The following COL23A1 variants were observed in gnomAD, a reference collection of about 807,000 sequenced individuals.
COL23A1 encodes collagen type XXIII alpha 1 chain, also known as collagen alpha-1(XXIII) chain.
COL23A1 carries 97 observed loss-of-function variants against 99.3 expected under a neutral mutation model. The ratio of observed to expected loss-of-function variants is 0.98; its 90% CI spans 0.83 to 1.16. COL23A1 has a LOEUF of 1.16. Ranked by LOEUF, COL23A1 falls within the 50% of genes most tolerant of loss-of-function variation. The pLI, the probability that COL23A1 is intolerant of heterozygous loss-of-function variation, is 0.00. For missense variants in COL23A1, 762 were observed against 757.4 expected, an observed-to-expected ratio of 1.01 and a Z score of -0.07; for synonymous variants, 320 against 308.2, an observed-to-expected ratio of 1.04 and a Z score of -0.40.
chr5:178,258,251 A>ATC (rs1765424219), intron 12 of COL23A1, among the ~76,000 whole-genome samples: 1 of 130,198 alleles, frequency 7.7e-6, no homozygotes, highest in Non-Finnish European at 1.7e-5. Flanking sequence ...ATATATATAT[A>ATC]TATATATATA....
chr5:178,419,670 G>T (rs1282110994), intron 2 of COL23A1, among the ~76,000 whole-genome samples: 1 of 152,070 alleles, frequency 6.6e-6, no homozygotes, highest in South Asian at 2.1e-4. Flanking sequence ...ACTAAATATG[G>T]CCTGAGAAGG....
At chr5:178,499,724 A>G (rs897242594) in intron 2 of COL23A1, among the ~76,000 whole-genome samples, 1 of 152,240 alleles carries the variant, frequency 6.6e-6, no homozygotes, top group Non-Finnish European at 1.5e-5. Context: ...AAATGAAAGC[A>G]TGTGTTCATA....
rs116156738 is a variant in COL23A1 at position 178,286,845 on chromosome 5, C to T, written c.441+1479G>A. Among the ~76,000 whole-genome samples the T allele has an allele frequency of 3.7e-3, 559 of 152,258 alleles. 7 individuals are homozygous for T. The highest frequency in any genetic ancestry group is 0.013 in the African/African-American group (525 of 41,554). On this transcript the variant is annotated intron_variant, in intron 5 of 28. Coordinates refer to ENST00000390654, the MANE Select transcript of COL23A1 (RefSeq NM_173465.4). ...GAGGCTGGTGGGGAACGGACCGGACCGCTGGGTCACTTTGCTCAGAGGAAA... is the reference window on the plus strand; with the variant it reads ...GAGGCTGGTGGGGAACGGACCGGACTGCTGGGTCACTTTGCTCAGAGGAAA...
chr5:178,240,358 G>A (rs373369999), intron 27 of COL23A1, among the ~76,000 whole-genome samples: 2 of 151,836 alleles, frequency 1.3e-5, no homozygotes, highest in African/African-American at 2.4e-5. Flanking sequence ...AGAATGGAAA[G>A]GAAGCAGAAG....
At chr5:178,424,479 C>T (rs1466898707) in intron 2 of COL23A1, among the ~76,000 whole-genome samples, 2 of 152,190 alleles carry the variant, frequency 1.3e-5, no homozygotes, top group Non-Finnish European at 2.9e-5. Flanking sequence ...CCCGGACAGA[C>T]AGTAAAATGT....
chr5:178,527,572 C>T (rs376699163), intron 2 of COL23A1, among the ~76,000 whole-genome samples: 1 of 152,236 alleles, frequency 6.6e-6, no homozygotes, highest in African/African-American at 2.4e-5. Context: ...GCACCACGTA[C>T]AAACTGTCCT....
At chr5:178,410,535 G>GGCATAAGGATA (rs1765006894) in intron 2 of COL23A1, among the ~76,000 whole-genome samples, 1 of 152,136 alleles carries the variant, frequency 6.6e-6, no homozygotes, top group South Asian at 2.1e-4. Context: ...ATAGACCAAT[G>GGCATAAGGATA]GATAAATTGA....
chr5:178,498,218 A>T (rs1234103857), intron 2 of COL23A1, among the ~76,000 whole-genome samples: 2 of 40,740 alleles, frequency 4.9e-5, no homozygotes, highest in Non-Finnish European at 3.8e-5. Flanking sequence ...ATATATATAT[A>T]TATATATATA....
chr5:178,302,300 G>A (rs372290851), intron 3 of COL23A1, among the ~76,000 whole-genome samples: 1,815 of 127,728 alleles, frequency 0.014, 10 homozygotes, highest in South Asian at 0.023. Flanking sequence ...GCCGGAGCAC[G>A]GCTTCAATCC....
At chr5:178,396,988 C>A (rs1764183890) in intron 2 of COL23A1, among the ~76,000 whole-genome samples, 1 of 152,190 alleles carries the variant, frequency 6.6e-6, no homozygotes. Context: ...GCCACCTGTC[C>A]CCATGTGTAG....
intron 1 of COL23A1, among the ~76,000 whole-genome samples, chr5:178,572,840 G>C (rs1168002759): frequency 7.2e-5 from 11 of 152,138 alleles, no homozygotes; most frequent in African/African-American, 2.7e-4. Flanking sequence ...AGTAATACTC[G>C]GTAATGAAAA....
chr5:178,368,467 C>T (rs190260773), intron 2 of COL23A1, among the ~76,000 whole-genome samples: 5 of 152,264 alleles, frequency 3.3e-5, no homozygotes, highest in East Asian at 1.9e-4. Flanking sequence ...CCATAGTGTA[C>T]GTTAGGGTTC....
chr5:178,355,952 C>T (rs890527061), intron 2 of COL23A1, among the ~76,000 whole-genome samples: 3 of 152,136 alleles, frequency 2.0e-5, no homozygotes, highest in African/African-American at 7.2e-5. Flanking sequence ...AAATATCTTA[C>T]CTATTAAAAT....
intron 2 of COL23A1, among the ~76,000 whole-genome samples, chr5:178,543,460 T>A (rs1410299224): frequency 6.6e-6 from 1 of 152,126 alleles, no homozygotes; most frequent in Non-Finnish European, 1.5e-5. Flanking sequence ...GATGACAGCC[T>A]GCTCAAAAGA....
intron 2 of COL23A1, among the ~76,000 whole-genome samples, chr5:178,501,166 G>C (rs1292100219): frequency 1.3e-5 from 2 of 152,184 alleles, no homozygotes; most frequent in Non-Finnish European, 2.9e-5. Context: ...GCCAACTAGG[G>C]ACCTTGGGAC....
In COL23A1 at chr5:178,278,819, G is replaced by T. The variant is rs543727740; in HGVS notation, c.442-8456C>A. 2.6e-5 allele frequency among the ~76,000 whole-genome samples: 4 copies of T among 152,326 alleles called. No homozygotes were observed. The South Asian group carries it at 8.3e-4, about 32-fold the overall frequency. On this transcript the variant is annotated intron_variant, in intron 5 of 28. Coordinates refer to ENST00000390654, the MANE Select transcript of COL23A1 (RefSeq NM_173465.4). ...CTCCTCTGCAAACTGAGTGTGTTGC[G>T]GATGGAATGGCTCCCTGGATCTGGG...
intron 2 of COL23A1, among the ~76,000 whole-genome samples, chr5:178,420,109 G>A (rs1765521823): frequency 6.6e-6 from 1 of 152,222 alleles, no homozygotes; most frequent in Middle Eastern, 3.4e-3. Flanking sequence ...CAGTCTCAGG[G>A]AAAAGCTGAA....
At position 178,468,227 on chromosome 5, in the gene COL23A1, G is replaced by A. The variant is rs1561997891; in HGVS notation, c.361+92455C>T. On this transcript the variant is annotated intron_variant, in intron 2 of 28. Coordinates refer to ENST00000390654, the MANE Select transcript of COL23A1 (RefSeq NM_173465.4). This position sits in a 1 kb window ranked among gnomAD's most constrained non-coding sequence, Gnocchi z 4.2. ...CCACCCAGACCCCACCCAGACTCCA[G>A]CCAGAAGCCACGGCAAGCCGCCAGT... Among the ~76,000 whole-genome samples, 1 of 141,496 alleles carries A rather than the reference G, an allele frequency of 7.1e-6. No homozygotes were observed. Among genetic ancestry groups the A allele is most frequent in the African/African-American group, 2.6e-5 (1 of 38,998 alleles). 92.8% of individuals were successfully genotyped at this position (141,496 alleles called of 152,430 possible).
chr5:178,585,747 C>CCCTACAGCCCTGGATGGCG (rs1763958478), intron 1 of COL23A1, among the ~76,000 whole-genome samples: 2 of 5,012 alleles, frequency 4.0e-4, no homozygotes, highest in African/African-American at 6.0e-4. Context: ...CCTGGCTGAC[C>CCCTACAGCCCTGGATGGCG]CTGTTGGTTG....
Sources: gnomAD v4.1 joint callset for allele counts (sites outside exome capture counted in the v4.1 genomes callset) on GRCh38, gnomAD v4.1.1 for gene constraint, Gnocchi (gnomAD v3.1) non-coding constraint, MANE v1.5 for transcripts, NCBI Gene and HGNC (gene_info 2026-07-23, HGNC 2026-07-21) for gene names.